Variants in ANGPT2 observed in about 807,000 individuals in gnomAD.
ANGPT2 encodes angiopoietin 2.
A neutral mutation model predicts 62.9 loss-of-function variants in ANGPT2; 28 were observed. The ratio of observed to expected loss-of-function variants is 0.44; its 90% CI spans 0.33 to 0.61. The LOEUF is 0.61. ANGPT2 is among the 20% of genes least tolerant of loss of function. The pLI, the probability that ANGPT2 is intolerant of heterozygous loss-of-function variation, is 0.03. For synonymous variants in ANGPT2, 284 were observed against 207.8 expected, an observed-to-expected ratio of 1.37 and a Z score of -3.15; for missense variants, 727 against 594.9, an observed-to-expected ratio of 1.22 and a Z score of -2.31.
At position 6,501,805 on chromosome 8, in the gene ANGPT2, C is replaced by T. The variant is rs1812250007; in HGVS notation, c.*1296G>A. On this transcript the variant is annotated 3_prime_UTR_variant, in exon 9 of 9. Transcript: ENST00000629816. ...CTCCTGACCTCAGGTGATCTGCCCA[C>T]CTTGCCTACCAATGTACTGGGATTA... The T allele has an allele frequency of 6.6e-6, 1 of 152,052 alleles. No individual in the cohort carries two copies. The highest frequency in any genetic ancestry group is 1.5e-5 in the Non-Finnish European group (1 of 68,028). The allele number at this position is 152,052 out of a possible 1,614,324, so 9.4% of individuals were successfully genotyped here.
Position 6,521,097 on chromosome 8 carries a change from A to T in ANGPT2, c.799+81T>A, listed in dbSNP as rs73522647. The T allele has an allele frequency of 3.2e-3, 3,471 of 1,097,830 alleles. 71 individuals carry two copies. In the African/African-American group the frequency reaches 0.049, roughly 15 times the overall value. 68.0% of individuals were successfully genotyped at this position (1,097,830 alleles called of 1,614,324 possible). A position where few individuals can be genotyped will look rare whatever the true frequency, so the allele number is the denominator to read the frequency against. On this transcript the variant is annotated intron_variant, in intron 4 of 8. Coordinates refer to ENST00000629816, the MANE Select transcript of ANGPT2 (RefSeq NM_001118887.2). ...TATGAGAAATAGCGCCTTTTCTGAA[A>T]GGTGAGAATTTTTTAGTCTTTTGAG...
intron 5 of ANGPT2, among the ~76,000 whole-genome samples, chr8:6,516,615 C>CT (rs1816321977): frequency 6.6e-6 from 1 of 152,168 alleles, no homozygotes; most frequent in African/African-American, 2.4e-5. Context: ...ATCAATATTT[C>CT]TTTTTAAAAA....
At chr8:6,543,358 G>A (rs1821951409) in intron 1 of ANGPT2, among the ~76,000 whole-genome samples, 3 of 152,138 alleles carry the variant, frequency 2.0e-5, no homozygotes, top group Admixed American at 2.0e-4. Context: ...CCAACGAACT[G>A]CTCCTCGTCT....
intron 1 of ANGPT2, among the ~76,000 whole-genome samples, chr8:6,553,784 G>C (rs1032016662): frequency 6.6e-6 from 1 of 152,062 alleles, no homozygotes; most frequent in Non-Finnish European, 1.5e-5. Context: ...GACTTCTTGA[G>C]CAGAAAAGCG....
Position 6,562,758 on chromosome 8 carries a change from G to T in ANGPT2, c.177C>A (p.Pro59=). Residue 59 remains proline (P), a synonymous_variant, in exon 1 of 9, where the codon CCC becomes CCA. Coordinates refer to ENST00000629816, the MANE Select transcript of ANGPT2 (RefSeq NM_001118887.2). ...CCCTCTGCACAGCATTGGACACGTA[G>T]GGGCTGGAGGAAGAGCGGCAGTTGT... ...EMDNCRSSSS[P]YVSNAVQRDA... 1 of 1,613,910 alleles carries T rather than the reference G, an allele frequency of 6.2e-7. No homozygotes were observed. The highest frequency in any genetic ancestry group is 8.5e-7 in the Non-Finnish European group (1 of 1,179,988).
chr8:6,503,966 C>G (rs1435119300), intron 8 of ANGPT2, among the ~76,000 whole-genome samples: 3 of 152,176 alleles, frequency 2.0e-5, no homozygotes, highest in African/African-American at 7.2e-5. Flanking sequence ...GCTTTCTGCA[C>G]TTTCAGATAC....
At chr8:6,554,351 A>T (rs1488402635) in intron 1 of ANGPT2, among the ~76,000 whole-genome samples, 2 of 151,912 alleles carry the variant, frequency 1.3e-5, no homozygotes, top group Non-Finnish European at 2.9e-5. Flanking sequence ...TCCTTTTAAG[A>T]CTTTGTTCAC....
chr8:6,539,038 TG>T (rs1821021418), intron 1 of ANGPT2, among the ~76,000 whole-genome samples: 1 of 152,070 alleles, frequency 6.6e-6, no homozygotes, highest in Non-Finnish European at 1.5e-5. Context: ...CTTGTGTGTG[TG>T]TGTGTGTGTG....
chr8:6,554,862 T>C (rs1824313575), intron 1 of ANGPT2, among the ~76,000 whole-genome samples: 1 of 152,176 alleles, frequency 6.6e-6, no homozygotes, highest in South Asian at 2.1e-4. Context: ...AGTCCAGTTC[T>C]CAGGAGTTTT....
At chr8:6,557,299 A>T (rs78126279) in intron 1 of ANGPT2, among the ~76,000 whole-genome samples, 4 of 152,162 alleles carry the variant, frequency 2.6e-5, no homozygotes, top group Non-Finnish European at 5.9e-5. Flanking sequence ...ACTTAAAAAA[A>T]TATACAGGCT....
At chr8:6,541,401 G>A (rs764863812) in intron 1 of ANGPT2, among the ~76,000 whole-genome samples, 21 of 152,176 alleles carry the variant, frequency 1.4e-4, no homozygotes, top group Non-Finnish European at 2.8e-4. Flanking sequence ...AGTCAGCAGC[G>A]CTGGAGAGGA....
intron 5 of ANGPT2, 64 bp from the exon 6 acceptor site, chr8:6,514,842 G>A: frequency 7.0e-7 from 1 of 1,423,344 alleles, no homozygotes; most frequent in Non-Finnish European, 9.9e-7. Flanking sequence ...CGTAGCAGAA[G>A]CAGGAGGAAT....
In ANGPT2 at chr8:6,499,835, T is replaced by C; in HGVS notation, c.*3266A>G. The C allele has an allele frequency of 6.2e-7, 1 of 1,611,156 alleles. No homozygotes were observed. The highest frequency in any genetic ancestry group is 1.1e-5 in the South Asian group (1 of 90,980). On this transcript the variant is annotated 3_prime_UTR_variant, in exon 9 of 9. Transcript: ENST00000629816. ...CTAATAAATGTATAATAAATCTGCT[T>C]GTTGTGTCACTTGCAGGTGCTATGG... is the stretch of plus-strand genomic sequence containing the variant.
intron 3 of ANGPT2, 128 bp downstream of exon 3, chr8:6,527,427 A>G: frequency 1.7e-5 from 19 of 1,139,092 alleles, no homozygotes; most frequent in Non-Finnish European, 2.1e-5. Flanking sequence ...CTCCTCCCTC[A>G]TGAGGTTTCT....
chr8:6,509,082 A>G lies in ANGPT2; in HGVS notation c.1197-20T>C, dbSNP rs948286130. ...TGAATCCTGTAAGCGTGCAAAGAAA[A>G]AAAACACATTGGCTAGGGTCATTGA... On this transcript the variant is annotated intron_variant, in intron 7 of 8. Coordinates refer to ENST00000629816, the MANE Select transcript of ANGPT2 (RefSeq NM_001118887.2). The G allele has an allele frequency of 6.2e-7, 1 of 1,610,850 alleles. No homozygotes were observed. The highest frequency in any genetic ancestry group is 8.5e-7 in the Non-Finnish European group (1 of 1,178,442).
At chr8:6,514,962 A>G (rs2916731) in intron 5 of ANGPT2, among the ~76,000 whole-genome samples, 184 bp from the exon 6 acceptor site, 55,022 of 152,000 alleles carry the variant, frequency 0.36, 10,169 homozygotes, top group Middle Eastern at 0.49. Context: ...ATTGAAAGTG[A>G]TGGATTAAAA....
At chr8:6,557,949 A>G (rs901535436) in intron 1 of ANGPT2, among the ~76,000 whole-genome samples, 3 of 152,086 alleles carry the variant, frequency 2.0e-5, no homozygotes. Flanking sequence ...CCCTGTCAAA[A>G]CAGTTGTGCC....
chr8:6,544,891 A>T (rs1822278088), intron 1 of ANGPT2, among the ~76,000 whole-genome samples: 1 of 152,214 alleles, frequency 6.6e-6, no homozygotes, highest in African/African-American at 2.4e-5. Context: ...TGCTAACATC[A>T]GATTCTTTGG....
At position 6,505,179 on chromosome 8, in the gene ANGPT2, T is replaced by TATATATATATATTCTTATGTATATATAGA. The variant is rs1563304826; in HGVS notation, c.1328-1947_1328-1919dup. Among the ~76,000 whole-genome samples, 572 of 122,488 alleles carry TATATATATATATTCTTATGTATATATAGA rather than the reference T, an allele frequency of 4.7e-3. 26 individuals are homozygous for TATATATATATATTCTTATGTATATATAGA. In the East Asian group the frequency reaches 0.048, roughly 10 times the overall value. 80.4% of individuals were successfully genotyped at this position (122,488 alleles called of 152,430 possible). On this transcript the variant is annotated intron_variant, in intron 8 of 8. Coordinates refer to ENST00000629816, the MANE Select transcript of ANGPT2 (RefSeq NM_001118887.2). ...AATAAAAACTCTATGCCAAAGAATA[T>TATATATATATATTCTTATGTATATATAGA]ATATATATATATTCTTATGTATATA...
Sources: allele counts gnomAD v4.1 joint callset (sites outside exome capture counted in the v4.1 genomes callset), GRCh38; gene constraint gnomAD v4.1.1; transcripts MANE v1.5; gene names NCBI Gene and HGNC (gene_info 2026-07-23, HGNC 2026-07-21).